Variants in PTPRR observed in about 807,000 individuals in gnomAD.
PTPRR encodes the protein protein tyrosine phosphatase receptor type R, also known as receptor-type tyrosine-protein phosphatase R.
A neutral mutation model predicts 77.2 loss-of-function variants in PTPRR; 38 were observed. The observed-to-expected ratio is 0.49, with a 90% CI of 0.38 to 0.65. The LOEUF is 0.65. Ranked by LOEUF, PTPRR falls within the 30% of genes least tolerant of loss-of-function variation. The probability of loss-of-function intolerance (pLI) is 0.00; values close to 1 mark genes in which losing one functional copy is unlikely to be tolerated. For missense variants in PTPRR, 744 were observed against 799.2 expected (o/e 0.93, Z 0.83); for synonymous variants, 299 against 283.1 (o/e 1.06, Z -0.57).
intron 2 of PTPRR, among the ~76,000 whole-genome samples, chr12:70,891,476 T>C (rs1893334620): frequency 6.6e-6 from 1 of 152,142 alleles, no homozygotes; most frequent in Admixed American, 6.6e-5. Context: ...GCTACTCATG[T>C]AAATGCAGAA....
chr12:70,836,141 T>G (rs1264582992), intron 2 of PTPRR, among the ~76,000 whole-genome samples: 2 of 152,112 alleles, frequency 1.3e-5, no homozygotes, highest in African/African-American at 4.8e-5. Context: ...GTGATGTCAT[T>G]CACTAGCTCA....
intron 2 of PTPRR, among the ~76,000 whole-genome samples, chr12:70,831,687 A>G (rs1892215547): frequency 6.6e-6 from 1 of 152,214 alleles, no homozygotes; most frequent in Non-Finnish European, 1.5e-5. Flanking sequence ...ATGGCAAGCT[A>G]TCATTTCAGG....
intron 6 of PTPRR, among the ~76,000 whole-genome samples, chr12:70,708,891 T>G (rs1247567769): frequency 6.6e-6 from 1 of 151,728 alleles, no homozygotes; most frequent in Non-Finnish European, 1.5e-5. Context: ...TCCTGTCTCT[T>G]TATGCAATCA....
rs1890498650 is a variant in PTPRR, at chr12:70,754,297, T to C, written c.632A>G (p.Asn211Ser). 9.9e-6 allele frequency: 16 copies of C among 1,613,082 alleles called. No individual in the cohort carries two copies. The highest frequency in any genetic ancestry group is 1.3e-5 in the African/African-American group (1 of 74,964). ...CGCTTCATGCTGCCCTTGTAAAACA[T>C]TTTTCTTTAAAAGCAAAACAGAAAG... ...FGITEVSPEK[N>S]VLQGQHEADK... The change falls in exon 5 of 14, where the codon AAT becomes AGT. Residue 211 changes from asparagine to serine, a missense_variant. Asn to Ser is a conservative substitution (Grantham distance 46). Around this residue, in one of 3 missense-constraint regions of PTPRR, gnomAD observed 570 missense variants for 573.2 expected, o/e 0.99. Coordinates refer to ENST00000283228, the MANE Select transcript of PTPRR (RefSeq NM_002849.4).
chr12:70,775,547 A>G (rs77354922), intron 2 of PTPRR, among the ~76,000 whole-genome samples: 10,147 of 152,228 alleles, frequency 0.067, 371 homozygotes, highest in Admixed American at 0.086. Flanking sequence ...CCCCTCCTGA[A>G]GTTATTAGGC....
At chr12:70,770,533 G>C (rs1156647091) in intron 2 of PTPRR, among the ~76,000 whole-genome samples, 1 of 152,184 alleles carries the variant, frequency 6.6e-6, no homozygotes. Context: ...AGGATGTGGA[G>C]AAATAGGAAC....
chr12:70,761,578 T>C lies in PTPRR; in HGVS notation c.520A>G (p.Thr174Ala). ...GAGGGCAGAGCATCAGAAATTCCTG[T>C]TTTTCGGTTTATGGGAGACACAAAC... ...ELFVSPINRKTGISDALPSEE... is the reference protein window; with the variant it reads ...ELFVSPINRKAGISDALPSEE... The change falls in exon 4 of 14, where the codon ACA (threonine) becomes GCA (alanine). Residue 174 changes from threonine to alanine, a missense_variant. Thr to Ala is a moderately conservative substitution (Grantham distance 58, BLOSUM62 0). Transcript: ENST00000283228. 2 of 1,611,790 alleles carry C rather than the reference T, an allele frequency of 1.2e-6. No individual in the cohort carries two copies. The highest frequency in any genetic ancestry group is 1.7e-6 in the Non-Finnish European group (2 of 1,178,648).
At chr12:70,895,400 A>G (rs1893410293) in intron 1 of PTPRR, among the ~76,000 whole-genome samples, 2 of 151,602 alleles carry the variant, frequency 1.3e-5, no homozygotes, top group Non-Finnish European at 1.5e-5. Flanking sequence ...AATGCATGCT[A>G]AAATTGGCCT....
chr12:70,651,085 G>T (rs1886376351), intron 13 of PTPRR, among the ~76,000 whole-genome samples: 1 of 152,186 alleles, frequency 6.6e-6, no homozygotes, highest in Non-Finnish European at 1.5e-5. Flanking sequence ...GTGCTCTTCA[G>T]CTCTGTCTTA....
intron 2 of PTPRR, among the ~76,000 whole-genome samples, chr12:70,843,868 C>T (rs1489885178): frequency 7.2e-6 from 1 of 138,650 alleles, no homozygotes; most frequent in African/African-American, 2.7e-5. Context: ...CAGGCTGGAG[C>T]GCAATGGCAC....
intron 13 of PTPRR, among the ~76,000 whole-genome samples, chr12:70,655,061 T>A (rs902350854): frequency 6.6e-6 from 1 of 152,250 alleles, no homozygotes; most frequent in African/African-American, 2.4e-5. Context: ...ACTAACTCAA[T>A]CGTCCATTTA....
chr12:70,652,485 A>G (rs552339783), intron 13 of PTPRR, among the ~76,000 whole-genome samples: 5 of 152,348 alleles, frequency 3.3e-5, no homozygotes, highest in Non-Finnish European at 7.3e-5. Context: ...CAAGGAGAGG[A>G]TCTGTTTCAT....
rs192322137 is a variant in PTPRR at position 70,684,742 on chromosome 12, C to T, written c.1321G>A (p.Asp441Asn). The T allele has an allele frequency of 5.2e-5, 84 of 1,607,634 alleles. 1 individual carries two copies. In the East Asian group the frequency reaches 8.0e-4, roughly 15 times the overall value. ...RVCLRPKNVT[D>N]SLSTYINANY... ...GCATTAATGTAGGTGCTCAATGAAT[C>T]GGTTACATTTTTTGGTCTTAAACAC... Residue 441 changes from aspartate to asparagine, a missense_variant, in exon 9 of 14, where the codon GAT becomes AAT. Transcript: ENST00000283228.
intron 2 of PTPRR, among the ~76,000 whole-genome samples, chr12:70,767,684 T>C (rs1170086134): frequency 1.3e-5 from 2 of 152,120 alleles, no homozygotes; most frequent in Non-Finnish European, 2.9e-5. Context: ...ATCTACAGAA[T>C]TCTCCATCCC....
At chr12:70,750,234 C>T (rs1009368865) in intron 5 of PTPRR, among the ~76,000 whole-genome samples, 6 of 152,110 alleles carry the variant, frequency 3.9e-5, no homozygotes, top group Non-Finnish European at 8.8e-5. Context: ...TGTTACATAG[C>T]ACATACAACC....
chr12:70,887,604 T>C (rs985360875), intron 2 of PTPRR, among the ~76,000 whole-genome samples: 1 of 152,212 alleles, frequency 6.6e-6, no homozygotes, highest in Non-Finnish European at 1.5e-5. Context: ...AAATAATTAA[T>C]GAGCCTTCAT....
intron 8 of PTPRR, among the ~76,000 whole-genome samples, chr12:70,690,308 G>C (rs1483094889): frequency 6.6e-6 from 1 of 152,160 alleles, no homozygotes; most frequent in Non-Finnish European, 1.5e-5. Context: ...TTTCAGAAAA[G>C]AATAGTATTA....
At chr12:70,708,005 T>C (rs1470638274) in intron 6 of PTPRR, among the ~76,000 whole-genome samples, 1 of 152,072 alleles carries the variant, frequency 6.6e-6, no homozygotes. Flanking sequence ...AGGCAGACAA[T>C]CTACCTGCAG....
intron 6 of PTPRR, 86 bp downstream of exon 6, chr12:70,745,732 C>T (rs942129545): frequency 1.6e-5 from 23 of 1,433,358 alleles, no homozygotes; most frequent in Middle Eastern, 4.3e-4. Context: ...CCAATTATGT[C>T]AATCATTACT....
Sources: gnomAD v4.1 joint callset for allele counts (sites outside exome capture counted in the v4.1 genomes callset) on GRCh38, gnomAD v4.1.1 for gene constraint, gnomAD v4.1.1 regional missense constraint, MANE v1.5 for transcripts, NCBI Gene and HGNC (gene_info 2026-07-23, HGNC 2026-07-21) for gene names.